The following FGGY variants were observed in gnomAD, a reference collection of about 807,000 sequenced individuals.
The protein encoded by FGGY is FGGY carbohydrate kinase domain-containing protein.
A neutral mutation model predicts 71.3 loss-of-function variants in FGGY; 72 were observed. The ratio of observed to expected loss-of-function variants is 1.01; its 90% CI spans 0.84 to 1.23. FGGY has a LOEUF of 1.23. Among genes scored for constraint, FGGY ranks in the 50% most tolerant of loss-of-function variants. The pLI is 0.00. For synonymous variants in FGGY, 251 were observed against 250.3 expected (o/e 1.00, Z -0.02); for missense variants, 668 against 682.3 (o/e 0.98, Z 0.23).
intron 8 of FGGY, among the ~76,000 whole-genome samples, chr1:59,559,454 A>G (rs1295242550): frequency 2.0e-5 from 3 of 152,246 alleles, no homozygotes; most frequent in African/African-American, 7.2e-5. Flanking sequence ...GGATGCATAT[A>G]GAAATAGTTA....
intron 5 of FGGY, among the ~76,000 whole-genome samples, chr1:59,435,364 C>T (rs1226207716): frequency 6.6e-6 from 1 of 152,166 alleles, no homozygotes; most frequent in Non-Finnish European, 1.5e-5. Flanking sequence ...CCCCTCCAGC[C>T]CCTCCATTTG....
At chr1:59,688,502 A>G (rs940314753) in intron 14 of FGGY, among the ~76,000 whole-genome samples, 11 of 152,226 alleles carry the variant, frequency 7.2e-5, no homozygotes, top group Admixed American at 7.2e-4. Flanking sequence ...ATGACCTTAC[A>G]GAAACAATAT....
At chr1:59,512,891 T>C (rs56351319) in intron 7 of FGGY, among the ~76,000 whole-genome samples, 9,061 of 152,246 alleles carry the variant, frequency 0.06, 355 homozygotes, top group East Asian at 0.13. Context: ...AACTCTCAAG[T>C]CTTTCATTCA....
chr1:59,532,153 C>T (rs1445443579), intron 7 of FGGY, among the ~76,000 whole-genome samples: 1 of 152,078 alleles, frequency 6.6e-6, no homozygotes, highest in African/African-American at 2.4e-5. Flanking sequence ...CAGCAGAGAT[C>T]TGGGAAGTAG....
At chr1:59,367,553 A>G (rs2056793741) in intron 4 of FGGY, among the ~76,000 whole-genome samples, 1 of 152,260 alleles carries the variant, frequency 6.6e-6, no homozygotes, top group African/African-American at 2.4e-5. Context: ...CAGATAACCC[A>G]GATAGAATCC....
intron 7 of FGGY, among the ~76,000 whole-genome samples, chr1:59,553,407 A>C (rs1322529070): frequency 6.6e-6 from 1 of 152,212 alleles, no homozygotes; most frequent in Non-Finnish European, 1.5e-5. Context: ...TCATATTTAT[A>C]ACTTTAGTTG....
chr1:59,549,414 TGCCAACACA>T (rs2095574100), intron 7 of FGGY, among the ~76,000 whole-genome samples: 1 of 152,226 alleles, frequency 6.6e-6, no homozygotes, highest in Non-Finnish European at 1.5e-5. Flanking sequence ...TTTTTCAAGA[TGCCAACACA>T]TCAGACTCAA....
intron 14 of FGGY, among the ~76,000 whole-genome samples, chr1:59,734,600 A>G (rs2098083419): frequency 2.6e-5 from 4 of 152,204 alleles, no homozygotes; most frequent in Non-Finnish European, 1.5e-5. Context: ...CTAAGCTATG[A>G]CATACATGAA....
chr1:59,721,700 T>C (rs1404143791), intron 14 of FGGY, among the ~76,000 whole-genome samples: 1 of 152,244 alleles, frequency 6.6e-6, no homozygotes, highest in Non-Finnish European at 1.5e-5. Flanking sequence ...CTTACATTAG[T>C]ATGGTGCGTT....
At chr1:59,502,479 G>T (rs1209528919) in intron 6 of FGGY, among the ~76,000 whole-genome samples, 1 of 152,202 alleles carries the variant, frequency 6.6e-6, no homozygotes, top group South Asian at 2.1e-4. Context: ...CACTGTGGGT[G>T]CCAAAGTGGA....
chr1:59,730,093 G>A (rs967342633), intron 14 of FGGY, among the ~76,000 whole-genome samples: 5 of 152,056 alleles, frequency 3.3e-5, no homozygotes, highest in African/African-American at 4.8e-5. Context: ...GGAGTTGCTC[G>A]CTTTCCTATT....
intron 7 of FGGY, among the ~76,000 whole-genome samples, chr1:59,550,508 G>C (rs1336371410): frequency 6.6e-6 from 1 of 152,080 alleles, no homozygotes; most frequent in Non-Finnish European, 1.5e-5. Flanking sequence ...GGGAAATGAG[G>C]CCAGTCCTGC....
At chr1:59,341,752 C>T (rs1570655569) in intron 3 of FGGY, among the ~76,000 whole-genome samples, 1 of 152,312 alleles carries the variant, frequency 6.6e-6, no homozygotes. Flanking sequence ...AGCAAGCATT[C>T]ACTAATTACA....
chr1:59,508,160 T>C (rs2094439537), intron 6 of FGGY, among the ~76,000 whole-genome samples: 1 of 152,184 alleles, frequency 6.6e-6, no homozygotes, highest in South Asian at 2.1e-4. Context: ...TTCACTCTAC[T>C]AGCCACCCTA....
At chr1:59,448,016 G>C (rs1465045082) in intron 5 of FGGY, among the ~76,000 whole-genome samples, 2 of 151,714 alleles carry the variant, frequency 1.3e-5, no homozygotes, top group Non-Finnish European at 2.9e-5. Context: ...CTCACTTTCA[G>C]GGGTGGTGAG....
At chr1:59,418,798 T>G (rs1225845329) in intron 5 of FGGY, among the ~76,000 whole-genome samples, 1 of 152,146 alleles carries the variant, frequency 6.6e-6, no homozygotes, top group Non-Finnish European at 1.5e-5. Context: ...AAAGATTTTA[T>G]TTTCCTTTCA....
Position 59,527,381 on chromosome 1 carries a change from T to A in FGGY, c.799+14942T>A, listed in dbSNP as rs931750733. 2.5e-4 allele frequency among the ~76,000 whole-genome samples: 38 copies of A among 152,228 alleles called. 1 individual carries two copies. Among genetic ancestry groups the A allele is most frequent in the African/African-American group, 9.2e-4 (38 of 41,460 alleles). ...GCACAGGAAACTGTATTCCTGCATC[T>A]CTACCTTCAGTGTTTCACGATCACT... is the stretch of plus-strand genomic sequence containing the variant. On this transcript the variant is annotated intron_variant, in intron 7 of 15. Coordinates refer to ENST00000303721, the MANE Select transcript of FGGY (RefSeq NM_018291.5).
intron 11 of FGGY, among the ~76,000 whole-genome samples, chr1:59,640,289 C>T (rs972500409): frequency 6.6e-6 from 1 of 152,158 alleles, no homozygotes; most frequent in Admixed American, 6.5e-5. Context: ...AAACACTTCA[C>T]CCCAAATCTC....
intron 4 of FGGY, among the ~76,000 whole-genome samples, chr1:59,376,058 A>G (rs2058616080): frequency 6.6e-6 from 1 of 152,038 alleles, no homozygotes; most frequent in Non-Finnish European, 1.5e-5. Context: ...CTGAAACCAC[A>G]AGACATATGG....
Sources: gnomAD v4.1 joint callset for allele counts (sites outside exome capture counted in the v4.1 genomes callset) on GRCh38, gnomAD v4.1.1 for gene constraint, MANE v1.5 for transcripts, NCBI Gene and HGNC (gene_info 2026-07-23, HGNC 2026-07-21) for gene names.